The following RHBDF2 variants were observed in gnomAD, a reference collection of about 807,000 sequenced individuals.
The protein encoded by RHBDF2 is inactive rhomboid protein 2.
Under a neutral mutation model 95.2 loss-of-function variants are expected in RHBDF2, and 38 were observed. The observed-to-expected ratio is 0.40, with a 90% CI of 0.31 to 0.52. RHBDF2 has a LOEUF of 0.52. RHBDF2 is among the 20% of genes least tolerant of loss of function. The probability of loss-of-function intolerance (pLI) is 0.56; values close to 1 mark genes in which losing one functional copy is unlikely to be tolerated. For synonymous variants in RHBDF2, 442 were observed against 462.0 expected (o/e 0.96, Z 0.55); for missense variants, 863 against 1,137.7 (o/e 0.76, Z 3.47).
intron 1 of RHBDF2, among the ~76,000 whole-genome samples, chr17:76,496,510 G>C (rs936809935): frequency 1.3e-5 from 2 of 152,252 alleles, no homozygotes; most frequent in Non-Finnish European, 2.9e-5. Context: ...TGGGGTGCTG[G>C]AGTGAGTCCT....
chr17:76,499,040 C>A (rs2074510697), intron 1 of RHBDF2, among the ~76,000 whole-genome samples: 1 of 152,058 alleles, frequency 6.6e-6, no homozygotes, highest in Non-Finnish European at 1.5e-5. Context: ...GTGCTCAGCC[C>A]TGTCCCTTGA....
Position 76,475,021 on chromosome 17 carries a change from C to G in RHBDF2, c.1227+9G>C, listed in dbSNP as rs766783393. ...TGGGACCCCCAGCATGGAGCCTGAC[C>G]CGACTCACCAGCTGGGTGGTGACGT... is the stretch of plus-strand genomic sequence containing the variant. On this transcript the variant is annotated intron_variant, in intron 10 of 18. Transcript: ENST00000675367. 1 of 1,570,116 alleles carries G rather than the reference C, an allele frequency of 6.4e-7. No homozygotes were observed. Among genetic ancestry groups the G allele is most frequent in the Non-Finnish European group, 8.7e-7 (1 of 1,155,894 alleles).
At chr17:76,483,585 C>G (rs1204598351) in intron 2 of RHBDF2, among the ~76,000 whole-genome samples, 2 of 152,080 alleles carry the variant, frequency 1.3e-5, no homozygotes, top group Admixed American at 6.6e-5. Context: ...ACACCCGGCC[C>G]TAGGCCTCTT....
chr17:76,477,255 G>A lies in RHBDF2; in HGVS notation c.845C>T (p.Pro282Leu), dbSNP rs750059653. ...SMPDDVFESP[P>L]LSASYFRGIP... ...CCCTCGGAAGTAGCTGGCAGAGAGT[G>A]GGGGGGACTCAAAGACATCATCAGG... Residue 282 changes from proline to leucine, a missense_variant, in exon 8 of 19, where the codon CCA becomes CTA. Coordinates refer to ENST00000675367, the MANE Select transcript of RHBDF2 (RefSeq NM_001005498.4). 4 of 1,606,706 alleles carry A rather than the reference G, an allele frequency of 2.5e-6. No homozygotes were observed. The highest frequency in any genetic ancestry group is 2.2e-5 in the East Asian group (1 of 44,840).
chr17:76,482,004 A>C (rs62085021), intron 2 of RHBDF2: 2,242 of 23,936 alleles, frequency 0.094, 113 homozygotes, highest in South Asian at 0.14. Flanking sequence ...CACACACACA[A>C]AACCAAAAAC....
intron 1 of RHBDF2, among the ~76,000 whole-genome samples, chr17:76,489,485 G>A (rs146677716): frequency 0.025 from 3,792 of 152,090 alleles, 160 homozygotes; most frequent in African/African-American, 0.084. Flanking sequence ...CACCACACCC[G>A]GCTAATTTTT....
rs143442372 is a variant in RHBDF2, at chr17:76,474,886, T to G, written c.1228-82A>C. ...GGAGCTGGGGCAGCTGTCCCCAGGA[T>G]AGAGCCTCCAGGAAGGGGCCAGGCT... On this transcript the variant is annotated intron_variant, in intron 10 of 18. Transcript: ENST00000675367. 9.6e-6 allele frequency: 15 copies of G among 1,565,186 alleles called. 1 individual carries two copies. The South Asian group carries it at 1.7e-4, about 18-fold the overall frequency.
chr17:76,473,365 C>A (rs1339769885), intron 15 of RHBDF2, 38 bp from the exon 16 acceptor site: 5 of 1,561,276 alleles, frequency 3.2e-6, no homozygotes, highest in Non-Finnish European at 4.4e-6. Context: ...CATCAGGGCG[C>A]CGAATAACCA....
At chr17:76,486,736 A>AAATAAATAAATAAATAAAT (rs1295937460) in intron 2 of RHBDF2, among the ~76,000 whole-genome samples, 1 of 43,512 alleles carries the variant, frequency 2.3e-5, no homozygotes, top group African/African-American at 7.4e-5. Flanking sequence ...AATAAATAAA[A>AAATAAATAAATAAATAAAT]ACACTGATGG....
At chr17:76,498,356 G>C (rs920042182) in intron 1 of RHBDF2, among the ~76,000 whole-genome samples, 1 of 152,246 alleles carries the variant, frequency 6.6e-6, no homozygotes, top group Non-Finnish European at 1.5e-5. Flanking sequence ...AAATCCCCTG[G>C]GGCAGATGGG....
At chr17:76,475,698 C>T (rs1004848430) in intron 9 of RHBDF2, among the ~76,000 whole-genome samples, 1 of 151,872 alleles carries the variant, frequency 6.6e-6, no homozygotes, top group Non-Finnish European at 1.5e-5. Flanking sequence ...TCTCCTGCCT[C>T]AGCCTCCCTC....
intron 2 of RHBDF2, among the ~76,000 whole-genome samples, chr17:76,485,487 C>T (rs1350949092): frequency 6.6e-6 from 1 of 150,386 alleles, no homozygotes. Flanking sequence ...GAGACTGAGG[C>T]AGGAGAATCA....
Position 76,473,091 on chromosome 17 carries a change from G to A in RHBDF2, c.1824C>T (p.Asp608=). 4.3e-6 allele frequency: 7 copies of A among 1,613,936 alleles called. No individual in the cohort carries two copies. Among genetic ancestry groups the A allele is most frequent in the Non-Finnish European group, 5.1e-6 (6 of 1,179,836 alleles). The change falls in exon 17 of 19, where the codon GAC becomes GAT. Residue 608 remains aspartate (D), a synonymous_variant. Coordinates refer to ENST00000675367, the MANE Select transcript of RHBDF2 (RefSeq NM_001005498.4). The stretch of plus-strand genomic sequence containing the variant: ...GGAAGGGCAGCAGCCCACACACCTT[G>A]TCCAAGCAGTGCACCTGGGAGTGGG... ...ATLCSQVHCL[D]KVCGLLPFLN... is the part of the protein sequence containing the mutation.
intron 2 of RHBDF2, 46 bp from the exon 3 acceptor site, chr17:76,481,591 G>A (rs561045000): frequency 3.2e-5 from 49 of 1,529,242 alleles, no homozygotes; most frequent in African/African-American, 3.0e-4. Flanking sequence ...GCGGGGTGGC[G>A]CAGTGTCAGG....
In RHBDF2 at chr17:76,477,160, G is replaced by A. The variant is rs781719054; in HGVS notation, c.920+20C>T. 6 of 1,611,308 alleles carry A rather than the reference G, an allele frequency of 3.7e-6. No homozygotes were observed. Among genetic ancestry groups the A allele is most frequent in the Non-Finnish European group, 5.1e-6 (6 of 1,179,162 alleles). ...AGGCTGGTGGCTGGCCTGGAGGAGG[G>A]ACTCTGCCCCAGCACTCACAGAGGG... On this transcript the variant is annotated intron_variant, in intron 8 of 18. Transcript: ENST00000675367.
chr17:76,480,661 C>T (rs965895551), intron 3 of RHBDF2, among the ~76,000 whole-genome samples: 1 of 152,204 alleles, frequency 6.6e-6, no homozygotes, highest in Non-Finnish European at 1.5e-5. Context: ...GATGAGATTA[C>T]AGGCATGAGG....
intron 5 of RHBDF2, 22 bp downstream of exon 5, chr17:76,479,060 C>T (rs1208202847): frequency 6.2e-7 from 1 of 1,613,262 alleles, no homozygotes; most frequent in East Asian, 2.2e-5. Context: ...CCACCCCTGC[C>T]TCCTTTCCCC....
intron 4 of RHBDF2, 60 bp downstream of exon 4, chr17:76,479,673 C>A: frequency 7.5e-7 from 1 of 1,336,238 alleles, no homozygotes; most frequent in Non-Finnish European, 1.0e-6. Context: ...CATGTCCAGG[C>A]CCCGAGAATC....
Position 76,471,545 on chromosome 17 carries a change from T to C in RHBDF2, c.*88A>G. ...GCCCTGTCTTGGGTCTCTGGCTCTC[T>C]GGCACACAGAGAGCGCTCTGCAGAG... On this transcript the variant is annotated 3_prime_UTR_variant, in exon 19 of 19. Transcript: ENST00000675367. The C allele has an allele frequency of 1.4e-6, 2 of 1,394,494 alleles. No individual in the cohort carries two copies. Among genetic ancestry groups the C allele is most frequent in the South Asian group, 3.0e-5 (2 of 66,752 alleles). 86.4% of individuals were successfully genotyped at this position (1,394,494 alleles called of 1,614,324 possible).
Sources: allele counts gnomAD v4.1 joint callset (sites outside exome capture counted in the v4.1 genomes callset), GRCh38; gene constraint gnomAD v4.1.1; transcripts MANE v1.5; gene names NCBI Gene and HGNC (gene_info 2026-07-23, HGNC 2026-07-21).